The following RNLS variants were observed in gnomAD, a reference collection of about 807,000 sequenced individuals.
The protein encoded by RNLS is renalase, FAD dependent amine oxidase.
Under a neutral mutation model 39.8 loss-of-function variants are expected in RNLS, and 39 were observed. The observed-to-expected ratio is 0.98, with a 90% confidence interval of 0.76 to 1.28. The LOEUF (loss-of-function observed/expected upper bound fraction) is 1.28, where lower values mean the gene tolerates loss of function less well. Ranked by LOEUF, RNLS falls within the 50% of genes most tolerant of loss-of-function variation. The pLI, the probability that RNLS is intolerant of heterozygous loss-of-function variation, is 0.00. For missense variants in RNLS, 410 were observed against 413.3 expected (o/e 0.99, Z 0.07); for synonymous variants, 147 against 150.7 (o/e 0.98, Z 0.18).
intron 4 of RNLS, among the ~76,000 whole-genome samples, chr10:88,447,140 A>G (rs566810599): frequency 3.3e-4 from 50 of 152,232 alleles, no homozygotes; most frequent in African/African-American, 1.0e-3. Flanking sequence ...CCTATTCAAC[A>G]CAGTGTTGGA....
chr10:88,337,411 T>C (rs1847582806), intron 5 of RNLS, among the ~76,000 whole-genome samples: 1 of 152,190 alleles, frequency 6.6e-6, no homozygotes, highest in African/African-American at 2.4e-5. Context: ...TTGATGAAAG[T>C]AGCCTAGGTT....
chr10:88,426,805 C>A (rs1440596396), intron 4 of RNLS, among the ~76,000 whole-genome samples: 1 of 151,974 alleles, frequency 6.6e-6, no homozygotes, highest in Non-Finnish European at 1.5e-5. Context: ...CATAACACAG[C>A]TTTCTCATAA....
chr10:88,436,024 A>T (rs962449318), intron 4 of RNLS, among the ~76,000 whole-genome samples: 2 of 152,098 alleles, frequency 1.3e-5, no homozygotes, highest in East Asian at 3.8e-4. Flanking sequence ...TTGAGGTGGG[A>T]AGGAGCCAGG....
the RNLS span, among the ~76,000 whole-genome samples, chr10:88,258,215 G>A: frequency 6.6e-6 from 1 of 152,146 alleles, no homozygotes; most frequent in African/African-American, 2.4e-5. Flanking sequence ...GGCATAAAGG[G>A]TACTTTATAA....
rs115872452 is a variant in RNLS at position 88,576,418 on chromosome 10, C to T, written c.368-3357G>A. Among the ~76,000 whole-genome samples the T allele has an allele frequency of 2.3e-3, 345 of 152,226 alleles. 3 individuals carry two copies. Among genetic ancestry groups the T allele is most frequent in the African/African-American group, 7.8e-3 (326 of 41,548 alleles). On this transcript the variant is annotated intron_variant, in intron 3 of 6. Transcript: ENST00000331772. ...GTTATATATTTATTCAATTTTATCC[C>T]TGGCCTTCCTCCATTTTAAGGAGAA...
chr10:88,203,268 G>A, the RNLS span, among the ~76,000 whole-genome samples: 94 of 16,780 alleles, frequency 5.6e-3, 11 homozygotes, highest in Middle Eastern at 0.036. Flanking sequence ...GTGTGTGTAT[G>A]TATATATATA....
At chr10:88,308,197 C>T (rs1015318177) in intron 6 of RNLS, among the ~76,000 whole-genome samples, 7 of 152,156 alleles carry the variant, frequency 4.6e-5, no homozygotes, top group African/African-American at 1.4e-4. Flanking sequence ...CTAGGCAATC[C>T]ATTCTGGACA....
chr10:88,248,529 T>C, the RNLS span, among the ~76,000 whole-genome samples: 1 of 152,268 alleles, frequency 6.6e-6, no homozygotes, highest in East Asian at 1.9e-4. Context: ...CCCTGGACAC[T>C]CATTTCCAGT....
Position 88,358,794 on chromosome 10 carries a change from C to T in RNLS, c.700+3758G>A, listed in dbSNP as rs57412532. Among the ~76,000 whole-genome samples the T allele has an allele frequency of 1.5e-3, 226 of 152,298 alleles. 2 individuals are homozygous for T. The highest frequency in any genetic ancestry group is 5.2e-3 in the African/African-American group (215 of 41,558). On this transcript the variant is annotated intron_variant, in intron 5 of 6. Coordinates refer to ENST00000331772, the MANE Select transcript of RNLS (RefSeq NM_001031709.3). ...CCTGACTTCTAACAAATTATTATGCCTTGATCTTTGGGCTACTTCTATATC... is the reference window on the plus strand; with the variant it reads ...CCTGACTTCTAACAAATTATTATGCTTTGATCTTTGGGCTACTTCTATATC...
At chr10:88,317,075 T>C (rs1202503151) in intron 5 of RNLS, among the ~76,000 whole-genome samples, 1 of 152,196 alleles carries the variant, frequency 6.6e-6, no homozygotes, top group Non-Finnish European at 1.5e-5. Flanking sequence ...GCTATTTTTC[T>C]TTTTCTTTTC....
At chr10:88,391,562 C>CA (rs1852204692) in intron 4 of RNLS, among the ~76,000 whole-genome samples, 3 of 151,526 alleles carry the variant, frequency 2.0e-5, no homozygotes, top group East Asian at 1.9e-4. Flanking sequence ...GTCTAAAAAA[C>CA]AAAAAAATGT....
the RNLS span, among the ~76,000 whole-genome samples, chr10:88,195,256 T>G: frequency 5.3e-5 from 8 of 152,376 alleles, no homozygotes; most frequent in Admixed American, 2.0e-4. Flanking sequence ...TTGTAATTGC[T>G]TCTAAATTAG....
chr10:88,451,347 T>C (rs1325880108), intron 4 of RNLS, among the ~76,000 whole-genome samples: 1 of 152,126 alleles, frequency 6.6e-6, no homozygotes, highest in Non-Finnish European at 1.5e-5. Flanking sequence ...GAAGACAACG[T>C]GGTTTGGCTG....
intron 5 of RNLS, among the ~76,000 whole-genome samples, chr10:88,344,667 C>T (rs1162572577): frequency 1.3e-5 from 2 of 151,932 alleles, no homozygotes; most frequent in African/African-American, 2.4e-5. Context: ...TTCTAAAGTG[C>T]CTTTCCTGAC....
intron 5 of RNLS, among the ~76,000 whole-genome samples, chr10:88,331,432 G>T (rs1241162863): frequency 6.6e-6 from 1 of 152,194 alleles, no homozygotes; most frequent in African/African-American, 2.4e-5. Context: ...TATTGATTCA[G>T]TCAAATGAGC....
the RNLS span, among the ~76,000 whole-genome samples, chr10:88,193,018 T>C: frequency 1.3e-5 from 2 of 152,182 alleles, no homozygotes; most frequent in African/African-American, 4.8e-5. Flanking sequence ...AGTATAGTGC[T>C]GGCTTTGTGA....
At chr10:88,442,438 C>T (rs1841768930) in intron 4 of RNLS, among the ~76,000 whole-genome samples, 1 of 152,182 alleles carries the variant, frequency 6.6e-6, no homozygotes, top group Admixed American at 6.5e-5. Context: ...TCTAATCCCT[C>T]CATTAATTCA....
the RNLS span, among the ~76,000 whole-genome samples, chr10:88,222,019 G>A: frequency 1.3e-5 from 2 of 152,192 alleles, no homozygotes; most frequent in African/African-American, 2.4e-5. Context: ...GTGGTAGATA[G>A]TTTGTACTAT....
intron 3 of RNLS, among the ~76,000 whole-genome samples, chr10:88,581,207 G>C (rs1728393150): frequency 6.7e-6 from 1 of 149,910 alleles, no homozygotes; most frequent in Non-Finnish European, 1.5e-5. Flanking sequence ...AGTCAAACAA[G>C]GTATAGAATC....
Sources: allele counts gnomAD v4.1 joint callset (sites outside exome capture counted in the v4.1 genomes callset), GRCh38; gene constraint gnomAD v4.1.1; transcripts MANE v1.5; gene names NCBI Gene and HGNC (gene_info 2026-07-23, HGNC 2026-07-21).